The following UMAD1 variants were observed in gnomAD, a reference collection of about 807,000 sequenced individuals.
UMAD1 encodes UBAP1-MVB12-associated (UMA) domain containing 1.
In UMAD1, 8 loss-of-function variants were observed where a neutral mutation model predicts 6.1. The ratio of observed to expected loss-of-function variants is 1.30; its 90% CI spans 0.76 to 2.35. The LOEUF (loss-of-function observed/expected upper bound fraction) is 2.35. UMAD1 is among the 30% of genes most tolerant of loss of function. UMAD1 has a pLI of 0.00. For synonymous variants in UMAD1, 56 were observed against 31.4 expected (o/e 1.78, Z -2.61); for missense variants, 130 against 78.4 (o/e 1.66, Z -2.49).
At chr7:7,690,794 A>G (rs901671673) in intron 2 of UMAD1, among the ~76,000 whole-genome samples, 2 of 152,228 alleles carry the variant, frequency 1.3e-5, no homozygotes, top group South Asian at 2.1e-4. Flanking sequence ...CCCTTCACAT[A>G]TAAATGCTTT....
At chr7:7,706,809 A>G (rs1780613082) in intron 2 of UMAD1, among the ~76,000 whole-genome samples, 1 of 152,152 alleles carries the variant, frequency 6.6e-6, no homozygotes, top group Non-Finnish European at 1.5e-5. Flanking sequence ...CGTATGTTCT[A>G]CATCCTATCT....
chr7:7,646,804 T>C (rs1309356216), intron 1 of UMAD1, among the ~76,000 whole-genome samples: 2 of 152,068 alleles, frequency 1.3e-5, no homozygotes, highest in Admixed American at 6.5e-5. Context: ...TCTTCTCTCC[T>C]CTGCTGCACC....
chr7:7,666,196 G>C (rs1280863411), intron 1 of UMAD1, among the ~76,000 whole-genome samples: 4 of 151,696 alleles, frequency 2.6e-5, no homozygotes, highest in Non-Finnish European at 5.9e-5. Context: ...TTGTTTGTTT[G>C]TTTGTTTGTT....
At chr7:7,749,553 A>G (rs554811327) in intron 2 of UMAD1, among the ~76,000 whole-genome samples, 1 of 152,312 alleles carries the variant, frequency 6.6e-6, no homozygotes, top group Admixed American at 6.5e-5. Flanking sequence ...TAGTGTTCTC[A>G]GTACTGGTGG....
intron 2 of UMAD1, among the ~76,000 whole-genome samples, chr7:7,771,201 G>T (rs1162607057): frequency 6.6e-6 from 1 of 151,570 alleles, no homozygotes; most frequent in African/African-American, 2.4e-5. Context: ...AGCCTAAGTT[G>T]TATATACCCA....
At chr7:7,730,876 T>TGGC (rs142527635) in intron 2 of UMAD1, among the ~76,000 whole-genome samples, 5,275 of 152,226 alleles carry the variant, frequency 0.035, 296 homozygotes, top group African/African-American at 0.12. Context: ...GTAGTCGGAG[T>TGGC]GGAAGCAGTG....
At position 7,722,244 on chromosome 7, in the gene UMAD1, C is replaced by G. The variant is rs1272422246; in HGVS notation, c.82+48791C>G. 7.3e-5 allele frequency among the ~76,000 whole-genome samples: 11 copies of G among 150,428 alleles called. 1 individual carries two copies. The highest frequency in any genetic ancestry group is 6.3e-4 in the South Asian group (3 of 4,728). On this transcript the variant is annotated intron_variant, in intron 2 of 3. Transcript: ENST00000682710. Reference sequence around the variant, plus strand: ...TATTAGTTCTGTCCCTCCAGTGAACCCTGACTAATATAGATTTTGGTACGA... The same window carrying G: ...TATTAGTTCTGTCCCTCCAGTGAACGCTGACTAATATAGATTTTGGTACGA...
At chr7:7,823,497 G>A (rs1260517786) in intron 3 of UMAD1, among the ~76,000 whole-genome samples, 1 of 151,996 alleles carries the variant, frequency 6.6e-6, no homozygotes, top group Non-Finnish European at 1.5e-5. Flanking sequence ...GTGATGTTTG[G>A]CCCTCCTGCA....
At chr7:7,784,588 G>C (rs532501620) in intron 2 of UMAD1, among the ~76,000 whole-genome samples, 13 of 151,032 alleles carry the variant, frequency 8.6e-5, no homozygotes, top group Middle Eastern at 3.4e-3. Flanking sequence ...CTCGTGATCC[G>C]CCCTCCTCGG....
chr7:7,774,270 GA>G (rs925440547), intron 2 of UMAD1, among the ~76,000 whole-genome samples: 9 of 152,106 alleles, frequency 5.9e-5, no homozygotes, highest in African/African-American at 1.7e-4. Context: ...TAACAATTAA[GA>G]AACTGAGGCA....
chr7:7,671,011 C>T (rs1278810552), intron 1 of UMAD1, among the ~76,000 whole-genome samples: 6 of 152,128 alleles, frequency 3.9e-5, no homozygotes, highest in Middle Eastern at 3.2e-3. Flanking sequence ...TTGGCTACAA[C>T]GGAAATGGGC....
chr7:7,723,056 A>G (rs1781079092), intron 2 of UMAD1, among the ~76,000 whole-genome samples: 1 of 152,010 alleles, frequency 6.6e-6, no homozygotes, highest in African/African-American at 2.4e-5. Flanking sequence ...AGCAGTTGCC[A>G]GGCAAGATAA....
chr7:7,788,010 G>A (rs950598679), intron 2 of UMAD1, among the ~76,000 whole-genome samples: 1 of 152,094 alleles, frequency 6.6e-6, no homozygotes, highest in Admixed American at 6.5e-5. Flanking sequence ...ATCATACCAT[G>A]TTTGCCGCAA....
chr7:7,865,808 G>A (rs1784214975), intron 3 of UMAD1, among the ~76,000 whole-genome samples: 3 of 152,180 alleles, frequency 2.0e-5, no homozygotes, highest in Admixed American at 1.3e-4. Context: ...GTTGGTTAAG[G>A]GGACTTTGGA....
chr7:7,867,136 G>A (rs1043644632), intron 3 of UMAD1, among the ~76,000 whole-genome samples: 1 of 152,150 alleles, frequency 6.6e-6, no homozygotes, highest in African/African-American at 2.4e-5. Context: ...TTTGAGGTAA[G>A]GTTAAGGTAA....
In UMAD1 at chr7:7,673,297, T is replaced by A; in HGVS notation, c.-63-12T>A. On this transcript the variant is annotated splice_polypyrimidine_tract_variant and intron_variant, in intron 1 of 3. Coordinates refer to ENST00000682710, the MANE Select transcript of UMAD1 (RefSeq NM_001302348.2). ...CATCTGAATTTGACATTGTGTAATG[T>A]TTCTATTTCAGGTAGCAGCAGCAGC... The A allele has an allele frequency of 1.7e-6, 2 of 1,204,964 alleles. No individual in the cohort carries two copies. The highest frequency in any genetic ancestry group is 2.6e-5 in the South Asian group (2 of 76,926). 74.6% of individuals were successfully genotyped at this position (1,204,964 alleles called of 1,614,324 possible). A position where few individuals can be genotyped will look rare whatever the true frequency, so the allele number is the denominator to read the frequency against.
chr7:7,789,829 A>G (rs1168435191), intron 2 of UMAD1, among the ~76,000 whole-genome samples: 1 of 152,150 alleles, frequency 6.6e-6, no homozygotes, highest in African/African-American at 2.4e-5. Context: ...TTTATACTAC[A>G]TTTTTTTAAT....
At chr7:7,696,416 T>C (rs1563131382) in intron 2 of UMAD1, among the ~76,000 whole-genome samples, 1 of 152,052 alleles carries the variant, frequency 6.6e-6, no homozygotes, top group African/African-American at 2.4e-5. Flanking sequence ...TAATTTTCTA[T>C]AAAAAAATAC....
rs1563282422 is a variant in UMAD1 at position 7,878,492 on chromosome 7, AG to A, written c.*955del. The A allele has an allele frequency of 2.0e-5, 3 of 152,222 alleles. No individual in the cohort carries two copies. Among genetic ancestry groups the A allele is most frequent in the Non-Finnish European group, 4.4e-5 (3 of 68,028 alleles). The allele number at this position is 152,222 out of a possible 1,614,324, so 9.4% of individuals were successfully genotyped here. On this transcript the variant is annotated 3_prime_UTR_variant, in exon 4 of 4. Coordinates refer to ENST00000682710, the MANE Select transcript of UMAD1 (RefSeq NM_001302348.2). Reference sequence around the variant, plus strand: ...CAATTAGAGTATAGGCAGAACACCTAGATATGACTTTTAGTTCTTGAATATC... The same window carrying A: ...CAATTAGAGTATAGGCAGAACACCTAATATGACTTTTAGTTCTTGAATATC...
Sources: allele counts gnomAD v4.1 joint callset (sites outside exome capture counted in the v4.1 genomes callset), GRCh38; gene constraint gnomAD v4.1.1; transcripts MANE v1.5; gene names NCBI Gene and HGNC (gene_info 2026-07-23, HGNC 2026-07-21).